Variants in NCAM2 observed in about 807,000 individuals in gnomAD.
The protein encoded by NCAM2 is N-CAM-2.
In NCAM2, 30 loss-of-function variants were observed where a neutral mutation model predicts 98.1. The observed-to-expected ratio is 0.31, with a 90% CI of 0.23 to 0.41. The LOEUF is 0.41. NCAM2 is among the 10% of genes least tolerant of loss of function. The probability of loss-of-function intolerance (pLI) is 1.00; values close to 1 mark genes in which losing one functional copy is unlikely to be tolerated. For missense variants in NCAM2, 867 were observed against 1,005.8 expected (o/e 0.86, Z 1.87); for synonymous variants, 368 against 342.4 (o/e 1.07, Z -0.83).
At chr21:21,448,439 G>A (rs1980527115) in intron 12 of NCAM2, among the ~76,000 whole-genome samples, 1 of 151,886 alleles carries the variant, frequency 6.6e-6, no homozygotes, top group African/African-American at 2.4e-5. Flanking sequence ...GTCTATAGGT[G>A]CAGCAAACCA....
intron 1 of NCAM2, among the ~76,000 whole-genome samples, chr21:21,037,900 C>T: frequency 6.6e-6 from 1 of 152,162 alleles, no homozygotes; most frequent in East Asian, 1.9e-4. Flanking sequence ...GCAGAACATT[C>T]TCTACCTCAC....
chr21:21,101,060 T>C lies in NCAM2; in HGVS notation c.55+102442T>C, dbSNP rs980205790. Among the ~76,000 whole-genome samples, 6 of 152,026 alleles carry C rather than the reference T, an allele frequency of 3.9e-5. No individual in the cohort carries two copies. In the South Asian group the frequency reaches 8.3e-4, roughly 21 times the overall value. ...CCTGTGTATGTAATGTATCATATTGTCTATTTTGTGAGGTATTACAAAGAA... is the reference window on the plus strand; with the variant it reads ...CCTGTGTATGTAATGTATCATATTGCCTATTTTGTGAGGTATTACAAAGAA... On this transcript the variant is annotated intron_variant, in intron 1 of 17. Transcript: ENST00000400546.
At position 21,502,852 on chromosome 21, in the gene NCAM2, T is replaced by A. The variant is rs144269801; in HGVS notation, c.2078-5999T>A. 4.7e-3 allele frequency among the ~76,000 whole-genome samples: 721 copies of A among 152,092 alleles called. 3 individuals carry two copies. Among genetic ancestry groups the A allele is most frequent in the African/African-American group, 0.017 (692 of 41,540 alleles). On this transcript the variant is annotated intron_variant, in intron 15 of 17. Transcript: ENST00000400546. ...CTTAGGACTCTGACTTTTTTCTCCA[T>A]GTCTTTATTGCAGCTTTCCACGTCC...
In NCAM2 at chr21:21,188,985, C is replaced by G. The variant is rs184344911; in HGVS notation, c.56-91593C>G. On this transcript the variant is annotated intron_variant, in intron 1 of 17. Transcript: ENST00000400546. ...ATGGGGCAGGTGTCTTGGAAACCAG[C>G]CCAGAAACTTATGAGAACCCTCCAG... Among the ~76,000 whole-genome samples the G allele has an allele frequency of 9.6e-4, 146 of 152,194 alleles. 2 individuals carry two copies. Among genetic ancestry groups the G allele is most frequent in the African/African-American group, 3.4e-3 (141 of 41,528 alleles).
intron 8 of NCAM2, among the ~76,000 whole-genome samples, chr21:21,367,463 G>GA (rs1410204307): frequency 6.6e-6 from 1 of 151,874 alleles, no homozygotes; most frequent in Non-Finnish European, 1.5e-5. Context: ...ATTGGCCATG[G>GA]AAAAATACTA....
chr21:21,168,572 A>G (rs538565743), intron 1 of NCAM2, among the ~76,000 whole-genome samples: 1 of 152,270 alleles, frequency 6.6e-6, no homozygotes, highest in Admixed American at 6.5e-5. Context: ...AAACAACAAA[A>G]GCTTTCTAGA....
chr21:21,536,430 T>G (rs573620605), intron 17 of NCAM2, among the ~76,000 whole-genome samples: 2 of 151,528 alleles, frequency 1.3e-5, no homozygotes, highest in African/African-American at 4.8e-5. Context: ...TCGCTCTTGT[T>G]GCCCAGGCTG....
chr21:21,298,506 A>G (rs2073574743), intron 5 of NCAM2, among the ~76,000 whole-genome samples: 1 of 151,702 alleles, frequency 6.6e-6, no homozygotes, highest in African/African-American at 2.4e-5. Context: ...AGAAAAGAAA[A>G]GTATATCTTT....
At chr21:21,324,068 G>T (rs1483928130) in intron 5 of NCAM2, among the ~76,000 whole-genome samples, 1 of 152,104 alleles carries the variant, frequency 6.6e-6, no homozygotes, top group Non-Finnish European at 1.5e-5. Flanking sequence ...AGATTTAGTA[G>T]TGAAATAGCT....
intron 1 of NCAM2, among the ~76,000 whole-genome samples, chr21:21,114,243 T>C (rs2066509587): frequency 6.6e-6 from 1 of 152,210 alleles, no homozygotes; most frequent in African/African-American, 2.4e-5. Flanking sequence ...CATGAGACTC[T>C]CCAGGCATAT....
chr21:21,438,237 C>T (rs2146064941), intron 12 of NCAM2, among the ~76,000 whole-genome samples: 1 of 151,052 alleles, frequency 6.6e-6, no homozygotes, highest in South Asian at 2.1e-4. Context: ...ATTCTAATTG[C>T]TGATGTCACC....
intron 14 of NCAM2, among the ~76,000 whole-genome samples, chr21:21,473,095 G>A (rs1368927026): frequency 6.6e-6 from 1 of 151,086 alleles, no homozygotes; most frequent in Non-Finnish European, 1.5e-5. Flanking sequence ...TTTGTCCCAG[G>A]TTTCATGCTA....
chr21:21,074,566 C>G (rs8128120), intron 1 of NCAM2, among the ~76,000 whole-genome samples: 48,095 of 151,976 alleles, frequency 0.32, 8,246 homozygotes, highest in African/African-American at 0.44. Flanking sequence ...TTAGACCCCA[C>G]GTCAATGTGC....
intron 15 of NCAM2, among the ~76,000 whole-genome samples, chr21:21,479,608 A>AAAAAAAAAAAAAAAAAAAATT: frequency 7.8e-6 from 1 of 127,998 alleles, no homozygotes; most frequent in Non-Finnish European, 1.8e-5. Context: ...AAAAAAAAAA[A>AAAAAAAAAAAAAAAAAAAATT]TTGTTGATGA....
In NCAM2 at chr21:21,539,161, A is replaced by C. The variant is rs538526113; in HGVS notation, c.*1204A>C. On this transcript the variant is annotated 3_prime_UTR_variant, in exon 18 of 18. Transcript: ENST00000400546. ...CTTAAGTATTCAACACAAACTTTCT[A>C]ATATCTTTTGTTAGGGTTATACCAG... 1 of 152,308 alleles carries C rather than the reference A, an allele frequency of 6.6e-6. No individual in the cohort carries two copies. The highest frequency in any genetic ancestry group is 1.5e-5 in the Non-Finnish European group (1 of 68,020). The allele number at this position is 152,308 out of a possible 1,614,324, so 9.4% of individuals were successfully genotyped here.
chr21:21,072,999 C>CCTGA (rs10631118), intron 1 of NCAM2, among the ~76,000 whole-genome samples: 32,003 of 151,856 alleles, frequency 0.21, 3,800 homozygotes, highest in African/African-American at 0.3. Flanking sequence ...ACCTCCAGTC[C>CCTGA]CTATCTCCAG....
chr21:21,238,706 A>G (rs2070943150), intron 1 of NCAM2, among the ~76,000 whole-genome samples: 1 of 152,206 alleles, frequency 6.6e-6, no homozygotes, highest in Non-Finnish European at 1.5e-5. Context: ...ATGTAAAAAT[A>G]GAATCACTGG....
chr21:21,516,128 C>T (rs1247151898), intron 16 of NCAM2, among the ~76,000 whole-genome samples: 2 of 152,078 alleles, frequency 1.3e-5, no homozygotes, highest in African/African-American at 4.8e-5. Context: ...GGCATCCTAC[C>T]CTTGCAATTA....
chr21:21,199,535 A>G (rs146394980), intron 1 of NCAM2, among the ~76,000 whole-genome samples: 19 of 152,298 alleles, frequency 1.2e-4, no homozygotes, highest in African/African-American at 4.3e-4. Context: ...TCCAATTCTG[A>G]TGACCTGTCT....
Sources: allele counts gnomAD v4.1 joint callset (sites outside exome capture counted in the v4.1 genomes callset), GRCh38; gene constraint gnomAD v4.1.1; transcripts MANE v1.5; gene names NCBI Gene and HGNC (gene_info 2026-07-23, HGNC 2026-07-21).